AFF3: variants seen among roughly 807,000 people sequenced by gnomAD.
AFF3 encodes AF4/FMR2 family member 3.
A neutral mutation model predicts 129.7 loss-of-function variants in AFF3; 32 were observed. The observed-to-expected ratio is 0.25, with a 90% CI of 0.19 to 0.33. The LOEUF (loss-of-function observed/expected upper bound fraction) is 0.33. Among genes scored for constraint, AFF3 ranks in the 10% least tolerant of loss-of-function variants. The probability of loss-of-function intolerance (pLI) is 1.00; values close to 1 mark genes in which losing one functional copy is unlikely to be tolerated. For missense variants in AFF3, 1,373 were observed against 1,592.0 expected, an observed-to-expected ratio of 0.86 and a Z score of 2.34; for synonymous variants, 644 against 635.4, an observed-to-expected ratio of 1.01 and a Z score of -0.20.
At chr2:99,552,633 TGCTGGGGCAGGGATGGGGAGGTG>T (rs1161363369) in intron 24 of AFF3, among the ~76,000 whole-genome samples, 1 of 152,164 alleles carries the variant, frequency 6.6e-6, no homozygotes, top group African/African-American at 2.4e-5. Context: ...AATGAAGACT[TGCTGGGGCAGGGATGGGGAGGTG>T]GCTAGGAGGT....
chr2:99,572,709 T>C (rs1284233083), intron 18 of AFF3: 5 of 448,852 alleles, frequency 1.1e-5, no homozygotes, highest in African/African-American at 4.0e-5. Context: ...GGTGTTAATA[T>C]GTCCCAAGCT....
At chr2:99,885,628 G>A (rs1693056466) in intron 7 of AFF3, among the ~76,000 whole-genome samples, 1 of 152,202 alleles carries the variant, frequency 6.6e-6, no homozygotes, top group Non-Finnish European at 1.5e-5. Flanking sequence ...AAGAGAGGGT[G>A]CAGGGTCTTT....
chr2:99,917,548 G>A (rs970558879), intron 7 of AFF3, among the ~76,000 whole-genome samples: 3 of 152,132 alleles, frequency 2.0e-5, no homozygotes, highest in South Asian at 2.1e-4. Context: ...TTCTAGGCTC[G>A]TCAAGGAAGG....
Position 99,593,821 on chromosome 2 carries a change from G to GCGCGTC in AFF3, c.1834_1839dup (p.Asp612_Ala613dup). On this transcript the variant is annotated inframe_insertion, in exon 15 of 25. Coordinates refer to ENST00000672756, the MANE Select transcript of AFF3 (RefSeq NM_001386135.1). The stretch of plus-strand genomic sequence containing the variant: ...GGGGGGACCACCACGCTCGTCCCCA[G>GCGCGTC]CGCGTCCGCGGCCGCGGGCTCCTCG... 2 of 1,608,042 alleles carry GCGCGTC rather than the reference G, an allele frequency of 1.2e-6. No individual in the cohort carries two copies. Among genetic ancestry groups the GCGCGTC allele is most frequent in the Non-Finnish European group, 1.7e-6 (2 of 1,178,022 alleles).
At chr2:99,615,234 G>C (rs1223140513) in intron 13 of AFF3, among the ~76,000 whole-genome samples, 1 of 152,216 alleles carries the variant, frequency 6.6e-6, no homozygotes, top group African/African-American at 2.4e-5. Context: ...AGATGGTAGA[G>C]GGCCCTGGAG....
chr2:99,904,407 C>CG (rs1316693790), intron 7 of AFF3, among the ~76,000 whole-genome samples: 2 of 148,890 alleles, frequency 1.3e-5, no homozygotes, highest in African/African-American at 2.5e-5. Context: ...ATTTAGAGTT[C>CG]GGAAAAAAAA....
At chr2:100,031,008 G>T (rs1426084301) in intron 4 of AFF3, among the ~76,000 whole-genome samples, 1 of 152,090 alleles carries the variant, frequency 6.6e-6, no homozygotes, top group Non-Finnish European at 1.5e-5. Flanking sequence ...GGAAATCCCA[G>T]GAAGAAAAGC....
intron 11 of AFF3, among the ~76,000 whole-genome samples, chr2:99,711,703 A>C (rs1269415194): frequency 6.6e-6 from 1 of 152,234 alleles, no homozygotes; most frequent in African/African-American, 2.4e-5. Flanking sequence ...AGTATCCTGC[A>C]TTCCTTCATT....
At chr2:100,060,444 G>A (rs890006221) in intron 4 of AFF3, among the ~76,000 whole-genome samples, 2 of 152,098 alleles carry the variant, frequency 1.3e-5, no homozygotes, top group East Asian at 1.9e-4. Context: ...GCTAAGCGCC[G>A]CCTGCTTAAC....
At chr2:99,853,774 T>C (rs892185540) in intron 7 of AFF3, among the ~76,000 whole-genome samples, 1 of 152,224 alleles carries the variant, frequency 6.6e-6, no homozygotes, top group Non-Finnish European at 1.5e-5. Context: ...CAGATGTTTG[T>C]GCTGACTTCT....
intron 7 of AFF3, among the ~76,000 whole-genome samples, chr2:99,949,117 G>A (rs1033906827): frequency 2.6e-5 from 4 of 152,170 alleles, no homozygotes; most frequent in African/African-American, 4.8e-5. Flanking sequence ...GTGACCTTAA[G>A]CAAGTAACTT....
chr2:99,583,250 G>A (rs1461197596), intron 16 of AFF3, among the ~76,000 whole-genome samples: 2 of 152,186 alleles, frequency 1.3e-5, no homozygotes, highest in African/African-American at 4.8e-5. Flanking sequence ...ACACGACTAA[G>A]ACTAATAACA....
At chr2:99,560,205 G>C (rs762784384) in intron 21 of AFF3, among the ~76,000 whole-genome samples, 160 bp downstream of exon 21, 1 of 152,194 alleles carries the variant, frequency 6.6e-6, no homozygotes, top group Non-Finnish European at 1.5e-5. Flanking sequence ...TGTATAGTAC[G>C]GCAGCAAAAA....
chr2:99,653,872 TTTTTTTC>T (rs1321981830), intron 12 of AFF3, among the ~76,000 whole-genome samples: 14 of 45,258 alleles, frequency 3.1e-4, no homozygotes, highest in African/African-American at 1.0e-3. Flanking sequence ...CCTGCACTGC[TTTTTTTC>T]TTTTTTTTTT....
At chr2:99,926,203 A>G (rs1696225760) in intron 7 of AFF3, among the ~76,000 whole-genome samples, 1 of 152,250 alleles carries the variant, frequency 6.6e-6, no homozygotes, top group South Asian at 2.1e-4. Context: ...TATGCCTGGA[A>G]AGGAAAGCGA....
chr2:100,088,232 C>T, intron 4 of AFF3, among the ~76,000 whole-genome samples: 1 of 151,808 alleles, frequency 6.6e-6, no homozygotes, highest in South Asian at 2.1e-4. Flanking sequence ...GCAAAACTAT[C>T]TCTATTCACA....
chr2:99,799,389 T>C (rs190531471), intron 8 of AFF3, among the ~76,000 whole-genome samples: 1,951 of 151,864 alleles, frequency 0.013, 44 homozygotes, highest in African/African-American at 0.045. Flanking sequence ...TCACATAAAA[T>C]TGGAGTTCCC....
At chr2:100,027,462 G>C (rs1238016076) in intron 4 of AFF3, among the ~76,000 whole-genome samples, 1 of 152,166 alleles carries the variant, frequency 6.6e-6, no homozygotes, top group Non-Finnish European at 1.5e-5. Context: ...AAGGCTTCTA[G>C]AACTTTTTAA....
intron 7 of AFF3, among the ~76,000 whole-genome samples, chr2:99,868,080 C>A (rs530512092): frequency 6.7e-6 from 1 of 149,410 alleles, no homozygotes; most frequent in African/African-American, 2.5e-5. Context: ...CACTGAAAAA[C>A]GCACAGATGG....
Sources: gnomAD v4.1 joint callset for allele counts (sites outside exome capture counted in the v4.1 genomes callset) on GRCh38, gnomAD v4.1.1 for gene constraint, MANE v1.5 for transcripts, NCBI Gene and HGNC (gene_info 2026-07-23, HGNC 2026-07-21) for gene names.